ZNF331: variants seen among roughly 807,000 people sequenced by gnomAD.
ZNF331 encodes the protein zinc finger protein 331, also known as C2H2-like zinc finger protein rearranged in thyroid adenomas.
Under a neutral mutation model 7.0 loss-of-function variants are expected in ZNF331, and 2 were observed. The ratio of observed to expected loss-of-function variants is 0.29; its 90% CI spans 0.12 to 0.90. The LOEUF (loss-of-function observed/expected upper bound fraction) is 0.90. Among genes scored for constraint, ZNF331 ranks in the 40% least tolerant of loss-of-function variants. ZNF331 has a pLI of 0.58. For synonymous variants in ZNF331, 196 were observed against 205.4 expected (o/e 0.95, Z 0.39); for missense variants, 432 against 587.7 (o/e 0.74, Z 2.74).
upstream of ZNF331, among the ~76,000 whole-genome samples, chr19:53,535,916 C>T (rs117515545): frequency 0.073 from 11,023 of 151,970 alleles, 530 homozygotes; most frequent in Non-Finnish European, 0.11. Flanking sequence ...AGCGAATCTC[C>T]TGACTCAGCC....
At chr19:53,549,718 T>TA (rs147875703) in intron 2 of ZNF331, among the ~76,000 whole-genome samples, 7,251 of 151,330 alleles carry the variant, frequency 0.048, 207 homozygotes, top group Non-Finnish European at 0.064. Flanking sequence ...AATTTTTTTT[T>TA]AAAAATCTTT....
At chr19:53,568,455 G>T (rs984344226) in intron 3 of ZNF331, among the ~76,000 whole-genome samples, 1 of 152,150 alleles carries the variant, frequency 6.6e-6, no homozygotes, top group Non-Finnish European at 1.5e-5. Context: ...TGATTGACTG[G>T]TTGGTGGATT....
At chr19:53,520,738 T>G (rs2087037718), upstream of ZNF331, among the ~76,000 whole-genome samples, 1 of 152,202 alleles carries the variant, frequency 6.6e-6, no homozygotes, top group Non-Finnish European at 1.5e-5. Flanking sequence ...AGGGAAACAC[T>G]GATGGGCGCC....
intron 3 of ZNF331, 36 bp from the exon 4 acceptor site, chr19:53,569,268 T>A (rs2090323977): frequency 8.0e-7 from 1 of 1,255,892 alleles, no homozygotes; most frequent in Non-Finnish European, 1.2e-6. Flanking sequence ...GGACCCCAGA[T>A]GCACCTCGTT....
chr19:53,534,876 G>C (rs2087681267), upstream of ZNF331, among the ~76,000 whole-genome samples: 1 of 151,924 alleles, frequency 6.6e-6, no homozygotes, highest in African/African-American at 2.4e-5. Context: ...CCAGTAACAG[G>C]CCTGTCCATC....
the ZNF331 span, among the ~76,000 whole-genome samples, chr19:53,510,271 A>G: frequency 6.6e-6 from 1 of 152,136 alleles, no homozygotes; most frequent in African/African-American, 2.4e-5. Flanking sequence ...AAGGATTCAG[A>G]GGAAACATTT....
At chr19:53,510,118 C>T in the ZNF331 span, among the ~76,000 whole-genome samples, 2 of 152,204 alleles carry the variant, frequency 1.3e-5, no homozygotes, top group Admixed American at 6.5e-5. Context: ...CATGTTAGAG[C>T]TCATGGAGAA....
At chr19:53,532,823 T>C (rs1014651145) in intron 2 of ZNF331, among the ~76,000 whole-genome samples, 4 of 152,202 alleles carry the variant, frequency 2.6e-5, no homozygotes, top group African/African-American at 9.6e-5. Context: ...CATTGTAGTC[T>C]CTCACGATTC....
upstream of ZNF331, among the ~76,000 whole-genome samples, chr19:53,536,953 A>G (rs778068760): frequency 6.6e-6 from 1 of 152,208 alleles, no homozygotes; most frequent in Non-Finnish European, 1.5e-5. Context: ...AATTCTGGGT[A>G]ACGTCAGTGG....
intron 2 of ZNF331, among the ~76,000 whole-genome samples, chr19:53,547,417 T>C (rs530740677): frequency 6.6e-6 from 1 of 152,354 alleles, no homozygotes; most frequent in African/African-American, 2.4e-5. Flanking sequence ...TACCACACTT[T>C]CTTTATTAAT....
At chr19:53,534,429 A>G (rs905205640), upstream of ZNF331, among the ~76,000 whole-genome samples, 23 of 152,146 alleles carry the variant, frequency 1.5e-4, no homozygotes, top group African/African-American at 5.6e-4. Flanking sequence ...CTGGGATTAC[A>G]GGCATGCACC....
At chr19:53,504,188 C>A in the ZNF331 span, 2 of 335,770 alleles carry the variant, frequency 6.0e-6, no homozygotes, top group Non-Finnish European at 1.2e-5. Flanking sequence ...TGGTGAACAT[C>A]TCTGCAATGA....
Position 53,577,309 on chromosome 19 carries a change from A to T in ZNF331, c.749A>T (p.Lys250Met), listed in dbSNP as rs1188177323. 1 of 1,614,014 alleles carries T rather than the reference A, an allele frequency of 6.2e-7. No individual in the cohort carries two copies. The highest frequency in any genetic ancestry group is 2.2e-5 in the East Asian group (1 of 44,838). The stretch of plus-strand genomic sequence containing the variant: ...GACTACGAATGCAAAGACTGTGGGA[A>T]GACCTTTAGCCGTGTGTATAAACTT... The part of the protein sequence containing the change: ...EKDYECKDCG[K>M]TFSRVYKLIQ... Residue 250 changes from lysine (K) to methionine (M), a missense_variant, in exon 6 of 6, where the codon AAG becomes ATG. By Grantham distance (95) the Lys-to-Met change is moderately conservative. Coordinates refer to ENST00000449416, the MANE Select transcript of ZNF331 (RefSeq NM_001079906.2).
At chr19:53,506,416 C>CTG in the ZNF331 span, among the ~76,000 whole-genome samples, 1 of 47,864 alleles carries the variant, frequency 2.1e-5, no homozygotes, top group African/African-American at 1.0e-4. Flanking sequence ...TCTCTCCTCT[C>CTG]TCTCTCTCTC....
chr19:53,580,198 A>C lies in ZNF331; in HGVS notation c.*2246A>C, dbSNP rs1026838088. On this transcript the variant is annotated 3_prime_UTR_variant, in exon 6 of 6. Coordinates refer to ENST00000449416, the MANE Select transcript of ZNF331 (RefSeq NM_001079906.2). Reference sequence around the variant, plus strand: ...CATTGTATACATGTATCAGAACATCACATTGTACTCCATCAATATAATACA... The same window carrying C: ...CATTGTATACATGTATCAGAACATCCCATTGTACTCCATCAATATAATACA... 2 of 193,802 alleles carry C rather than the reference A, an allele frequency of 1.0e-5. No individual in the cohort carries two copies. The highest frequency in any genetic ancestry group is 6.1e-5 in the Admixed American group (1 of 16,360). The allele number at this position is 193,802 out of a possible 1,614,324, so 12.0% of individuals were successfully genotyped here.
intron 2 of ZNF331, among the ~76,000 whole-genome samples, chr19:53,552,945 G>C (rs1374213559): frequency 6.6e-6 from 1 of 152,104 alleles, no homozygotes; most frequent in Non-Finnish European, 1.5e-5. Context: ...GTTAATAACT[G>C]TTAGAGCTCA....
intron 5 of ZNF331, among the ~76,000 whole-genome samples, chr19:53,572,645 CATATATAGT>C (rs1390803978): frequency 6.8e-6 from 1 of 146,960 alleles, no homozygotes; most frequent in Non-Finnish European, 1.5e-5. Flanking sequence ...ACAATATATA[CATATATAGT>C]ATATATTATA....
At position 53,569,349 on chromosome 19, in the gene ZNF331, G is replaced by A. The variant is rs1272049096; in HGVS notation, c.-28G>A. ...TCTTCTTCAGTGGAAACCCCGAGAAGACTGATCAGTTCTTCAGTTCTAAAA... is the reference window on the plus strand; with the variant it reads ...TCTTCTTCAGTGGAAACCCCGAGAAAACTGATCAGTTCTTCAGTTCTAAAA... On this transcript the variant is annotated 5_prime_UTR_variant, in exon 4 of 6. Coordinates refer to ENST00000449416, the MANE Select transcript of ZNF331 (RefSeq NM_001079906.2). 1.9e-6 allele frequency: 3 copies of A among 1,613,352 alleles called. No homozygotes were observed. Among genetic ancestry groups the A allele is most frequent in the African/African-American group, 2.7e-5 (2 of 74,864 alleles).
chr19:53,514,617 G>A (rs1355610005), upstream of ZNF331, among the ~76,000 whole-genome samples: 7 of 151,518 alleles, frequency 4.6e-5, no homozygotes, highest in Non-Finnish European at 8.8e-5. Flanking sequence ...CTCCGCCCCA[G>A]GCATAGTTGC....
Sources: gnomAD v4.1 joint callset for allele counts (sites outside exome capture counted in the v4.1 genomes callset) on GRCh38, gnomAD v4.1.1 for gene constraint, MANE v1.5 for transcripts, NCBI Gene and HGNC (gene_info 2026-07-23, HGNC 2026-07-21) for gene names.